Variants in BIRC6 observed in about 807,000 individuals in gnomAD.
The protein encoded by BIRC6 is dual E2 ubiquitin-conjugating enzyme/E3 ubiquitin-protein ligase BIRC6.
In BIRC6, 98 loss-of-function variants were observed where a neutral mutation model predicts 503.3. That is an observed-to-expected ratio of 0.19 (90% CI 0.17 to 0.23). The LOEUF (loss-of-function observed/expected upper bound fraction) is 0.23. Among genes scored for constraint, BIRC6 ranks in the 10% least tolerant of loss-of-function variants. The pLI is 1.00. For missense variants in BIRC6, 5,360 were observed against 5,806.0 expected (o/e 0.92, Z 2.50); for synonymous variants, 2,240 against 2,078.7 (o/e 1.08, Z -2.11).
At chr2:32,482,642 G>A (rs1253279908) in intron 39 of BIRC6, 60 bp downstream of exon 39, 4 of 1,574,302 alleles carry the variant, frequency 2.5e-6, no homozygotes, top group Admixed American at 3.5e-5. Flanking sequence ...TGTCATTTAT[G>A]TATACTTTGT....
Position 32,380,380 on chromosome 2 carries a change from T to C in BIRC6, c.645+90T>C, listed in dbSNP as rs760223553. On this transcript the variant is annotated intron_variant, in intron 3 of 73. Coordinates refer to ENST00000421745, the MANE Select transcript of BIRC6 (RefSeq NM_016252.4). ...CTTTCCTTTCCTCTCCTTTTGGAAA[T>C]GTTCTAATTCTAGATTTTTCTTTTA... is the stretch of plus-strand genomic sequence containing the variant. The C allele has an allele frequency of 3.9e-5, 55 of 1,415,800 alleles. No homozygotes were observed. The Admixed American group carries it at 6.5e-4, about 17-fold the overall frequency. The allele number at this position is 1,415,800 out of a possible 1,614,324, so 87.7% of individuals were successfully genotyped here. A position where few individuals can be genotyped will look rare whatever the true frequency, so the allele number is the denominator to read the frequency against.
At chr2:32,454,615 G>C (rs377493301) in intron 23 of BIRC6, among the ~76,000 whole-genome samples, 1 of 152,138 alleles carries the variant, frequency 6.6e-6, no homozygotes, top group Admixed American at 6.5e-5. Context: ...GGGTTTGACT[G>C]TTGTCTTAAC....
chr2:32,487,555 A>T, intron 40 of BIRC6, 92 bp from the exon 41 acceptor site: 2 of 1,167,394 alleles, frequency 1.7e-6, no homozygotes. Context: ...TTAATTTTTA[A>T]AAACAATTTA....
In BIRC6 at chr2:32,453,801, C is replaced by T; in HGVS notation, c.4619-7C>T. 1 of 1,610,236 alleles carries T rather than the reference C, an allele frequency of 6.2e-7. No homozygotes were observed. Among genetic ancestry groups the T allele is most frequent in the Non-Finnish European group, 8.5e-7 (1 of 1,178,486 alleles). ...CACGTGTTATAAAACTTGTCTTTTG[C>T]CATTAGGAAATGGAAAGGTCAGTAG... On this transcript the variant is annotated splice_polypyrimidine_tract_variant and splice_region_variant and intron_variant, in intron 22 of 73. Coordinates refer to ENST00000421745, the MANE Select transcript of BIRC6 (RefSeq NM_016252.4).
chr2:32,441,547 A>C (rs1358842982), intron 17 of BIRC6, 85 bp downstream of exon 17: 9 of 1,304,068 alleles, frequency 6.9e-6, no homozygotes, highest in Non-Finnish European at 9.3e-6. Context: ...CAAATAAAAA[A>C]TCTTTTACCT....
At chr2:32,374,774 T>G (rs1169912552) in intron 1 of BIRC6, among the ~76,000 whole-genome samples, 1 of 151,916 alleles carries the variant, frequency 6.6e-6, no homozygotes, top group Non-Finnish European at 1.5e-5. Flanking sequence ...GCCCGGCAAT[T>G]TTTTTAATTT....
chr2:32,407,904 T>A (rs2041418130), intron 9 of BIRC6, among the ~76,000 whole-genome samples: 1 of 152,176 alleles, frequency 6.6e-6, no homozygotes, highest in Admixed American at 6.5e-5. Flanking sequence ...GCTAATGCTC[T>A]TTTCCTATTT....
intron 54 of BIRC6, among the ~76,000 whole-genome samples, chr2:32,513,922 T>C (rs1572731955): frequency 6.7e-6 from 1 of 149,884 alleles, no homozygotes; most frequent in South Asian, 2.1e-4. Flanking sequence ...AAAAAAAAAG[T>C]CAGCCGGACA....
chr2:32,550,509 T>C (rs528527549), intron 65 of BIRC6, among the ~76,000 whole-genome samples: 2 of 152,258 alleles, frequency 1.3e-5, no homozygotes, highest in South Asian at 4.1e-4. Flanking sequence ...AAAGTAGATG[T>C]CAAATGCATA....
chr2:32,577,631 T>G (rs949916415), intron 66 of BIRC6, among the ~76,000 whole-genome samples: 9 of 152,224 alleles, frequency 5.9e-5, no homozygotes, highest in Non-Finnish European at 1.0e-4. Flanking sequence ...TTGCAGGAAA[T>G]TTGGACACCT....
Position 32,504,787 on chromosome 2 carries a change from G to A in BIRC6, c.9500-218G>A, listed in dbSNP as rs146858603. 1.4e-3 allele frequency among the ~76,000 whole-genome samples: 216 copies of A among 152,254 alleles called. 2 individuals are homozygous for A. The highest frequency in any genetic ancestry group is 4.9e-3 in the African/African-American group (205 of 41,554). ...GTATCATATGAGTACAAAGTAGACAGCAGTTAATAATGAACTTGTCACCTT... is the reference window on the plus strand; with the variant it reads ...GTATCATATGAGTACAAAGTAGACAACAGTTAATAATGAACTTGTCACCTT... On this transcript the variant is annotated intron_variant, in intron 49 of 73. Coordinates refer to ENST00000421745, the MANE Select transcript of BIRC6 (RefSeq NM_016252.4).
intron 65 of BIRC6, among the ~76,000 whole-genome samples, chr2:32,568,846 A>G (rs1032195423): frequency 1.2e-4 from 18 of 148,360 alleles, no homozygotes; most frequent in Non-Finnish European, 2.3e-4. Context: ...CTCAGTCTCA[A>G]AAAAAAAAAA....
At chr2:32,368,401 G>A (rs1262777276) in intron 1 of BIRC6, among the ~76,000 whole-genome samples, 1 of 151,998 alleles carries the variant, frequency 6.6e-6, no homozygotes, top group Non-Finnish European at 1.5e-5. Context: ...TTAGCCAGGC[G>A]TGGTGGTGTG....
intron 66 of BIRC6, 111 bp downstream of exon 66, chr2:32,575,477 A>C: frequency 1.0e-6 from 1 of 1,002,242 alleles, no homozygotes; most frequent in Non-Finnish European, 1.5e-6. Flanking sequence ...AAGCATATAC[A>C]CCCTCGGCTG....
At chr2:32,393,685 A>C (rs901992853) in intron 5 of BIRC6, among the ~76,000 whole-genome samples, 1 of 152,084 alleles carries the variant, frequency 6.6e-6, no homozygotes, top group African/African-American at 2.4e-5. Flanking sequence ...ATTCCCAGCT[A>C]ATTCTGTTTA....
chr2:32,419,059 T>A (rs75547214), intron 10 of BIRC6, among the ~76,000 whole-genome samples: 4,554 of 152,280 alleles, frequency 0.03, 134 homozygotes, highest in African/African-American at 0.081. Context: ...TTTATCCAGA[T>A]GATGAAAGAT....
intron 71 of BIRC6, among the ~76,000 whole-genome samples, chr2:32,604,242 A>G (rs1375841997): frequency 1.3e-5 from 2 of 152,204 alleles, no homozygotes; most frequent in African/African-American, 4.8e-5. Flanking sequence ...TATGACTTCA[A>G]ATATTGTACA....
Position 32,509,805 on chromosome 2 carries a change from A to G in BIRC6, c.10048A>G (p.Ser3350Gly), listed in dbSNP as rs138377977. The G allele has an allele frequency of 3.8e-5, 62 of 1,613,908 alleles. No individual in the cohort carries two copies. The highest frequency in any genetic ancestry group is 5.0e-5 in the Non-Finnish European group (59 of 1,179,892). ...AAGTGATCTAGAAGGAATGATGGCA[A>G]GTGCAGCTGCACCTACTGCTAATCT... Reference protein sequence around the residue: ...HISDLEGMMASAAAPTANLLQ... With the variant: ...HISDLEGMMAGAAAPTANLLQ... Residue 3350 changes from serine (S) to glycine (G), a missense_variant, in exon 52 of 74, where the codon AGT (serine) becomes GGT (glycine). Coordinates refer to ENST00000421745, the MANE Select transcript of BIRC6 (RefSeq NM_016252.4).
intron 24 of BIRC6, 120 bp from the exon 25 acceptor site, chr2:32,464,389 C>A: frequency 2.5e-6 from 3 of 1,223,356 alleles, no homozygotes; most frequent in Non-Finnish European, 3.3e-6. Flanking sequence ...GATTTAATTT[C>A]ATCTTTAAGT....
Sources: allele counts gnomAD v4.1 joint callset (sites outside exome capture counted in the v4.1 genomes callset), GRCh38; gene constraint gnomAD v4.1.1; transcripts MANE v1.5; gene names NCBI Gene and HGNC (gene_info 2026-07-23, HGNC 2026-07-21).